SGCZ: variants seen among roughly 807,000 people sequenced by gnomAD.
SGCZ encodes sarcoglycan zeta.
Under a neutral mutation model 41.3 loss-of-function variants are expected in SGCZ, and 40 were observed. That is an observed-to-expected ratio of 0.97 (90% CI 0.75 to 1.26). SGCZ has a LOEUF of 1.26. Ranked by LOEUF, SGCZ falls within the 50% of genes most tolerant of loss-of-function variation. The pLI is 0.00. For synonymous variants in SGCZ, 206 were observed against 137.5 expected, an observed-to-expected ratio of 1.50 and a Z score of -3.49; for missense variants, 552 against 369.8, an observed-to-expected ratio of 1.49 and a Z score of -4.04.
At chr8:14,150,753 T>A (rs1803675063) in intron 5 of SGCZ, among the ~76,000 whole-genome samples, 2 of 152,112 alleles carry the variant, frequency 1.3e-5, no homozygotes, top group Admixed American at 1.3e-4. Flanking sequence ...TTTACAATAG[T>A]CAAGATTTGG....
At position 14,136,333 on chromosome 8, in the gene SGCZ, G is replaced by A. The variant is rs527335058; in HGVS notation, c.548-28098C>T. ...GGGTGCAGCCCATGAAGTGTGAGCC[G>A]AAGCAGGGTGGGGCATCACCTTACA... On this transcript the variant is annotated intron_variant, in intron 5 of 7. Transcript: ENST00000382080. Among the ~76,000 whole-genome samples the A allele has an allele frequency of 2.7e-4, 41 of 152,258 alleles. 1 individual carries two copies. The highest frequency in any genetic ancestry group is 1.0e-3 in the South Asian group (5 of 4,820).
At position 14,819,101 on chromosome 8, in the gene SGCZ, T is replaced by G. The variant is rs538475349; in HGVS notation, c.40-264175A>C. On this transcript the variant is annotated intron_variant, in intron 1 of 7. Transcript: ENST00000382080. The stretch of plus-strand genomic sequence containing the variant: ...AAGAACCTTCCAAGGCACATTATAA[T>G]CAAACTCTCAAAAGTAAAAGACAGA... Among the ~76,000 whole-genome samples the G allele has an allele frequency of 4.0e-4, 59 of 148,246 alleles. 1 individual carries two copies. In the South Asian group the frequency reaches 5.3e-3, roughly 13 times the overall value.
intron 7 of SGCZ, among the ~76,000 whole-genome samples, chr8:14,095,672 G>A (rs879046561): frequency 1.3e-5 from 2 of 152,122 alleles, no homozygotes; most frequent in Non-Finnish European, 2.9e-5. Flanking sequence ...GGATAGCATT[G>A]AATCTATAAA....
intron 1 of SGCZ, among the ~76,000 whole-genome samples, chr8:14,563,167 C>T (rs1382713596): frequency 2.6e-5 from 4 of 152,174 alleles, no homozygotes; most frequent in Non-Finnish European, 5.9e-5. Flanking sequence ...CTCAGAGCCT[C>T]ATTACCCCAA....
At chr8:14,910,035 C>A (rs548631022) in intron 1 of SGCZ, among the ~76,000 whole-genome samples, 3 of 152,202 alleles carry the variant, frequency 2.0e-5, no homozygotes, top group African/African-American at 2.4e-5. Flanking sequence ...ATGTCCCCCA[C>A]CCTGTGCTTT....
chr8:14,632,332 A>C (rs890353088), intron 1 of SGCZ, among the ~76,000 whole-genome samples: 1 of 152,052 alleles, frequency 6.6e-6, no homozygotes, highest in Non-Finnish European at 1.5e-5. Context: ...CAGTGCTTAC[A>C]TTATAATCTA....
At chr8:14,209,433 G>A (rs1263554330) in intron 4 of SGCZ, among the ~76,000 whole-genome samples, 1 of 151,810 alleles carries the variant, frequency 6.6e-6, no homozygotes, top group Non-Finnish European at 1.5e-5. Context: ...CAGGAACCCT[G>A]GGTATATACC....
chr8:14,432,719 G>T (rs920409644), intron 2 of SGCZ, among the ~76,000 whole-genome samples: 1 of 151,980 alleles, frequency 6.6e-6, no homozygotes, highest in Non-Finnish European at 1.5e-5. Flanking sequence ...TTCGAGACCA[G>T]CCTGGCCAAC....
chr8:14,647,487 T>C (rs1807260206), intron 1 of SGCZ, among the ~76,000 whole-genome samples: 2 of 152,000 alleles, frequency 1.3e-5, no homozygotes, highest in Non-Finnish European at 2.9e-5. Flanking sequence ...GCTGTGAATA[T>C]ATAAAATAAA....
At chr8:14,367,425 T>C (rs540010992) in intron 2 of SGCZ, among the ~76,000 whole-genome samples, 1 of 152,228 alleles carries the variant, frequency 6.6e-6, no homozygotes, top group South Asian at 2.1e-4. Context: ...TTGAGCTCTC[T>C]CTATAGCAGC....
intron 4 of SGCZ, among the ~76,000 whole-genome samples, chr8:14,178,536 G>T (rs1585204932): frequency 6.6e-6 from 1 of 152,294 alleles, no homozygotes; most frequent in Non-Finnish European, 1.5e-5. Flanking sequence ...CTGAGATAAA[G>T]GCTATTGGAT....
chr8:14,227,318 T>C (rs532750444), intron 4 of SGCZ, among the ~76,000 whole-genome samples: 33 of 152,216 alleles, frequency 2.2e-4, no homozygotes, highest in African/African-American at 7.2e-4. Flanking sequence ...TTATGAATTA[T>C]TAACATGTTC....
intron 4 of SGCZ, among the ~76,000 whole-genome samples, chr8:14,196,408 A>G (rs1805268584): frequency 1.3e-5 from 2 of 152,116 alleles, no homozygotes; most frequent in African/African-American, 2.4e-5. Context: ...AAGAGAGACA[A>G]TAACAAGTGG....
intron 2 of SGCZ, among the ~76,000 whole-genome samples, chr8:14,389,423 C>A (rs1469658731): frequency 4.7e-5 from 7 of 150,502 alleles, no homozygotes; most frequent in Non-Finnish European, 1.0e-4. Flanking sequence ...AGACATCATG[C>A]TGAAACTGCT....
rs749295167 is a variant in SGCZ, at chr8:14,554,870, C to T, written c.96G>A (p.Glu32=). The change falls in exon 2 of 8, where the codon GAG becomes GAA. Residue 32 remains glutamate (E), a synonymous_variant. Coordinates refer to ENST00000382080, the MANE Select transcript of SGCZ (RefSeq NM_139167.4). ...ATQQNNLPRT[E]NAQLYPVGIY... ...TTCCCACTGGGTAAAGTTGTGCATT[C>T]TCAGTCCTTGGCAGGTTATTCTGTT... 3 of 1,612,934 alleles carry T rather than the reference C, an allele frequency of 1.9e-6. No homozygotes were observed. In the South Asian group the frequency reaches 3.3e-5, roughly 18 times the overall value.
chr8:14,325,884 G>T (rs1323276014), intron 2 of SGCZ, among the ~76,000 whole-genome samples: 1 of 146,760 alleles, frequency 6.8e-6, no homozygotes, highest in Non-Finnish European at 1.5e-5. Flanking sequence ...ACGTAGAGGC[G>T]GGCGGATCAC....
At chr8:14,525,158 A>C (rs1298900132) in intron 2 of SGCZ, among the ~76,000 whole-genome samples, 1 of 116,114 alleles carries the variant, frequency 8.6e-6, no homozygotes, top group Non-Finnish European at 1.8e-5. Flanking sequence ...ATAGATAGAT[A>C]GATAGATAGA....
At chr8:14,858,509 T>C (rs888849581) in intron 1 of SGCZ, among the ~76,000 whole-genome samples, 2 of 152,128 alleles carry the variant, frequency 1.3e-5, no homozygotes, top group Admixed American at 6.6e-5. Context: ...AAGTTGGATA[T>C]AGTTGGCAAA....
At chr8:14,305,781 G>T (rs925851737) in intron 3 of SGCZ, among the ~76,000 whole-genome samples, 1 of 152,018 alleles carries the variant, frequency 6.6e-6, no homozygotes, top group East Asian at 1.9e-4. Flanking sequence ...ACTTAAATCC[G>T]GGCTCAACCT....
Sources: gnomAD v4.1 joint callset for allele counts (sites outside exome capture counted in the v4.1 genomes callset) on GRCh38, gnomAD v4.1.1 for gene constraint, MANE v1.5 for transcripts, NCBI Gene and HGNC (gene_info 2026-07-23, HGNC 2026-07-21) for gene names.